Variants in KCNMA1 observed in about 807,000 individuals in gnomAD.
KCNMA1 encodes the protein Calcium-activated potassium channel subunit alpha-1.
In KCNMA1, 29 loss-of-function variants were observed where a neutral mutation model predicts 140.0. That is an observed-to-expected ratio of 0.21 (90% confidence interval 0.15 to 0.28). The LOEUF is 0.28. KCNMA1 is among the 10% of genes least tolerant of loss of function. The probability of loss-of-function intolerance (pLI) is 1.00; values close to 1 mark genes in which losing one functional copy is unlikely to be tolerated. For synonymous variants in KCNMA1, 612 were observed against 611.9 expected (o/e 1.00, Z 0.00); for missense variants, 880 against 1,602.2 (o/e 0.55, Z 7.70).
At chr10:77,250,697 T>C (rs952962828) in intron 3 of KCNMA1, 9 of 182,120 alleles carry the variant, frequency 4.9e-5, no homozygotes, top group South Asian at 1.1e-4. Flanking sequence ...CAGCGTGCAA[T>C]GCTTCAGCTG....
chr10:77,431,244 G>A (rs192212409), intron 1 of KCNMA1, among the ~76,000 whole-genome samples: 3 of 152,194 alleles, frequency 2.0e-5, no homozygotes. Flanking sequence ...CTTGCCAAAA[G>A]CAGGCACTGG....
intron 2 of KCNMA1, among the ~76,000 whole-genome samples, chr10:77,298,910 C>G (rs979065840): frequency 2.6e-5 from 4 of 152,254 alleles, no homozygotes; most frequent in Non-Finnish European, 5.9e-5. Flanking sequence ...TGGGCAGAGA[C>G]TGCCCTGAAC....
intron 2 of KCNMA1, among the ~76,000 whole-genome samples, chr10:77,329,490 C>T (rs77566167): frequency 0.023 from 3,449 of 152,238 alleles, 140 homozygotes; most frequent in African/African-American, 0.077. Flanking sequence ...AGAAAGCAGG[C>T]CATCACCAGG....
intron 3 of KCNMA1, among the ~76,000 whole-genome samples, chr10:77,246,966 G>A (rs1029775469): frequency 2.6e-5 from 4 of 152,150 alleles, no homozygotes; most frequent in African/African-American, 9.7e-5. Flanking sequence ...CCCATTGTGT[G>A]CCAGCCATTT....
At chr10:77,581,391 C>T (rs1249575912) in intron 1 of KCNMA1, among the ~76,000 whole-genome samples, 2 of 152,052 alleles carry the variant, frequency 1.3e-5, no homozygotes, top group Non-Finnish European at 2.9e-5. Flanking sequence ...TCACTGTAAC[C>T]TCTGCCTCCC....
chr10:77,445,705 G>C (rs2097516207), intron 1 of KCNMA1, among the ~76,000 whole-genome samples: 1 of 152,136 alleles, frequency 6.6e-6, no homozygotes, highest in African/African-American at 2.4e-5. Context: ...CTCGAATGCT[G>C]ATATGGAATA....
intron 1 of KCNMA1, among the ~76,000 whole-genome samples, chr10:77,589,474 T>A (rs938225): frequency 0.31 from 47,651 of 151,812 alleles, 7,950 homozygotes; most frequent in Non-Finnish European, 0.38. Flanking sequence ...TACCATCAAG[T>A]TTTGAATGTC....
intron 1 of KCNMA1, among the ~76,000 whole-genome samples, chr10:77,541,304 AT>A (rs1449012880): frequency 1.3e-5 from 2 of 152,204 alleles, no homozygotes; most frequent in Non-Finnish European, 2.9e-5. Flanking sequence ...GAAAAGCCTT[AT>A]TAAAAGATTG....
chr10:76,968,814 C>G (rs909441151), intron 20 of KCNMA1, among the ~76,000 whole-genome samples: 2 of 152,182 alleles, frequency 1.3e-5, no homozygotes, highest in Admixed American at 6.5e-5. Context: ...GAGTCTTCCA[C>G]GGAAAACCTG....
intron 1 of KCNMA1, among the ~76,000 whole-genome samples, chr10:77,427,716 CATTCATTTATTTATTTATTT>C (rs1483864025): frequency 1.6e-5 from 1 of 61,360 alleles, no homozygotes; most frequent in African/African-American, 8.0e-5. Context: ...AGCATCCATC[CATTCATTTATTTATTTATTT>C]ATTTATTTAT....
At chr10:76,964,067 G>A (rs1026921529) in intron 20 of KCNMA1, among the ~76,000 whole-genome samples, 2 of 151,458 alleles carry the variant, frequency 1.3e-5, no homozygotes, top group Admixed American at 1.3e-4. Flanking sequence ...GCAAATCCTG[G>A]CTCCTGCCTT....
At chr10:77,418,744 C>G (rs2096799566) in intron 1 of KCNMA1, among the ~76,000 whole-genome samples, 1 of 152,170 alleles carries the variant, frequency 6.6e-6, no homozygotes, top group Non-Finnish European at 1.5e-5. Flanking sequence ...CTCTTTCCCC[C>G]AACTTTCTAA....
At chr10:77,115,320 T>A (rs2097430761) in intron 6 of KCNMA1, among the ~76,000 whole-genome samples, 1 of 152,246 alleles carries the variant, frequency 6.6e-6, no homozygotes, top group African/African-American at 2.4e-5. Context: ...GTTACCAGAT[T>A]ATAATAATTG....
intron 14 of KCNMA1, among the ~76,000 whole-genome samples, chr10:77,052,121 C>T (rs139751350): frequency 8.5e-5 from 13 of 152,310 alleles, no homozygotes; most frequent in African/African-American, 3.1e-4. Flanking sequence ...TGATTCATGG[C>T]TTCCTATTGC....
chr10:77,183,040 G>A (rs1454338218), intron 5 of KCNMA1, among the ~76,000 whole-genome samples: 2 of 152,154 alleles, frequency 1.3e-5, no homozygotes, highest in African/African-American at 4.8e-5. Flanking sequence ...ACTTTGGCAG[G>A]CAGGCCTCTG....
rs146883291 is a variant in KCNMA1 at position 77,114,921 on chromosome 10, CCT to C, written c.885-2481_885-2480del. Among the ~76,000 whole-genome samples, 1,241 of 152,260 alleles carry C rather than the reference CCT, an allele frequency of 8.2e-3. 8 individuals are homozygous for C. Among genetic ancestry groups the C allele is most frequent in the Middle Eastern group, 0.027 (8 of 294 alleles). On this transcript the variant is annotated intron_variant, in intron 6 of 27. Transcript: ENST00000286628. ...GTCAGTTCATCTCTGTTATGACTGC[CCT>C]CTCTTACCTCTCTTTTGGAGAACCA... is the stretch of plus-strand genomic sequence containing the variant.
intron 24 of KCNMA1, chr10:76,912,637 A>C (rs2050827758): frequency 6.6e-6 from 1 of 152,222 alleles, no homozygotes; most frequent in African/African-American, 2.4e-5. Context: ...ATCAAATACC[A>C]GAATTGTTGC....
chr10:77,420,209 T>C (rs1437208202), intron 1 of KCNMA1, among the ~76,000 whole-genome samples: 1 of 152,206 alleles, frequency 6.6e-6, no homozygotes, highest in Non-Finnish European at 1.5e-5. Flanking sequence ...ATCAGGAGTC[T>C]AGATTGAGTT....
intron 1 of KCNMA1, among the ~76,000 whole-genome samples, chr10:77,579,981 T>C (rs2075377677): frequency 6.6e-6 from 1 of 152,132 alleles, no homozygotes; most frequent in South Asian, 2.1e-4. Flanking sequence ...CTAATCACTT[T>C]CCCTCCCCAC....
Sources: allele counts gnomAD v4.1 joint callset (sites outside exome capture counted in the v4.1 genomes callset), GRCh38; gene constraint gnomAD v4.1.1; transcripts MANE v1.5; gene names NCBI Gene and HGNC (gene_info 2026-07-23, HGNC 2026-07-21).